The following ATP11C variants were observed in gnomAD, a reference collection of about 807,000 sequenced individuals.
ATP11C encodes phospholipid-transporting ATPase IG.
ATP11C carries 36 observed loss-of-function variants against 97.4 expected under a neutral mutation model. That is an observed-to-expected ratio of 0.37 (90% confidence interval 0.28 to 0.49). The LOEUF is 0.49. Among genes scored for constraint, ATP11C ranks in the 20% least tolerant of loss-of-function variants. The pLI, the probability that ATP11C is intolerant of heterozygous loss-of-function variation, is 0.98. For missense variants in ATP11C, 730 were observed against 824.6 expected, an observed-to-expected ratio of 0.89 and a Z score of 1.40; for synonymous variants, 275 against 290.9, an observed-to-expected ratio of 0.95 and a Z score of 0.56.
intron 1 of ATP11C, among the ~76,000 whole-genome samples, chrX:139,839,677 T>C (rs1445913633): frequency 9.0e-6 from 1 of 111,565 alleles, no homozygotes; most frequent in Non-Finnish European, 1.9e-5. Context: ...ACAACAACCA[T>C]GTGCAACACA....
intron 1 of ATP11C, among the ~76,000 whole-genome samples, chrX:139,873,957 C>T: frequency 1.8e-5 from 2 of 109,532 alleles, no homozygotes; most frequent in Middle Eastern, 4.7e-3. Context: ...TCCAGCTCTA[C>T]TCCTAAGCAG....
chrX:139,858,450 A>G lies in ATP11C; in HGVS notation c.28-31627T>C, dbSNP rs147571718. On this transcript the variant is annotated intron_variant, in intron 1 of 29. Transcript: ENST00000682941. ...TCAGCTCTCTGTCCTTCATCATTCT[A>G]CATGTTCTCCCTGGGTTTCCTAATC... 9.3e-3 allele frequency among the ~76,000 whole-genome samples: 1,038 copies of G among 111,706 alleles called. 11 individuals are homozygous for G. Among genetic ancestry groups the G allele is most frequent in the African/African-American group, 0.032 (988 of 30,716 alleles).
At chrX:139,728,995 C>T (rs1229070127) in intron 29 of ATP11C, 33 bp from the exon 30 acceptor site, 1 of 1,047,765 alleles carries the variant, frequency 9.5e-7, no homozygotes, top group African/African-American at 1.8e-5. Flanking sequence ...ATTTAAAAGG[C>T]TTATTTTAAT....
chrX:139,918,979 A>G (rs1308608914), intron 1 of ATP11C, among the ~76,000 whole-genome samples: 1 of 111,298 alleles, frequency 9.0e-6, no homozygotes, highest in Non-Finnish European at 1.9e-5. Context: ...TGTGGCTCAC[A>G]CCTGTAATTC....
At chrX:139,908,164 C>G (rs776562501) in intron 1 of ATP11C, among the ~76,000 whole-genome samples, 1 of 111,348 alleles carries the variant, frequency 9.0e-6, no homozygotes, top group African/African-American at 3.3e-5. Flanking sequence ...ACTGAGTGTG[C>G]CCTTCAGCCC....
intron 12 of ATP11C, among the ~76,000 whole-genome samples, chrX:139,795,926 C>T (rs2082783870): frequency 8.9e-6 from 1 of 111,850 alleles, no homozygotes; most frequent in Non-Finnish European, 1.9e-5. Flanking sequence ...ATAAAAGAGC[C>T]ATATTTGCTA....
Position 139,730,035 on chromosome X carries a change from T to C in ATP11C, c.*4-1073A>G, listed in dbSNP as rs141976557. 4.5e-5 allele frequency among the ~76,000 whole-genome samples: 5 copies of C among 111,976 alleles called. No homozygotes were observed. In the East Asian group the frequency reaches 1.4e-3, roughly 32 times the overall value. On this transcript the variant is annotated intron_variant, in intron 29 of 29. Coordinates refer to ENST00000682941, the MANE Select transcript of ATP11C (RefSeq NM_001353812.2). ...ACATTGAGGAGTTAGGTAGTTTCCT[T>C]ACCAACCAAGGAACAAACTAGATGC...
intron 6 of ATP11C, among the ~76,000 whole-genome samples, chrX:139,802,558 G>T (rs1392465349): frequency 9.0e-6 from 1 of 111,701 alleles, no homozygotes; most frequent in African/African-American, 3.3e-5. Context: ...GGGTTTCAAA[G>T]ACAATTAAAA....
Position 139,782,600 on chromosome X carries a change from G to A in ATP11C, c.1899C>T (p.Phe633=), listed in dbSNP as rs747770080. ...AATTCATGTTTGTCTCAATATCATC[G>A]AAAACTTTTTCCATTTTTTCTTCTC... is the stretch of plus-strand genomic sequence containing the variant. ...QDREEKMEKV[F]DDIETNMNLI... Residue 633 remains phenylalanine (F), a synonymous_variant, in exon 18 of 30, where the codon TTC becomes TTT. Coordinates refer to ENST00000682941, the MANE Select transcript of ATP11C (RefSeq NM_001353812.2). 8.3e-6 allele frequency: 10 copies of A among 1,206,825 alleles called. No individual in the cohort carries two copies. The highest frequency in any genetic ancestry group is 1.8e-5 in the South Asian group (1 of 56,484).
intron 3 of ATP11C, among the ~76,000 whole-genome samples, chrX:139,817,662 G>C (rs1021942248): frequency 8.9e-6 from 1 of 112,491 alleles, no homozygotes; most frequent in Admixed American, 9.4e-5. Flanking sequence ...GGGAACAAGA[G>C]TGAAGGCAGG....
upstream of ATP11C, among the ~76,000 whole-genome samples, chrX:139,936,155 T>C (rs1426058835): frequency 9.0e-6 from 1 of 111,266 alleles, no homozygotes; most frequent in Non-Finnish European, 1.9e-5. Context: ...TGCAATTCCA[T>C]ACAAATCAAA....
At chrX:139,919,676 T>C (rs1017172544) in intron 1 of ATP11C, among the ~76,000 whole-genome samples, 1 of 112,467 alleles carries the variant, frequency 8.9e-6, no homozygotes, top group Non-Finnish European at 1.9e-5. Flanking sequence ...TTCCGGCACT[T>C]TGGGAGGCCA....
At chrX:139,882,673 T>C (rs1342755586) in intron 1 of ATP11C, among the ~76,000 whole-genome samples, 2 of 111,589 alleles carry the variant, frequency 1.8e-5, no homozygotes, top group Non-Finnish European at 3.8e-5. Flanking sequence ...CAGACTTGCA[T>C]GAAGGACTAA....
At chrX:139,756,238 A>C (rs1372604329) in intron 23 of ATP11C, among the ~76,000 whole-genome samples, 1 of 112,165 alleles carries the variant, frequency 8.9e-6, no homozygotes, top group African/African-American at 3.2e-5. Context: ...CAACATCACT[A>C]ATCATTAGAG....
chrX:139,856,613 T>C (rs2084093514), intron 1 of ATP11C, among the ~76,000 whole-genome samples: 1 of 112,392 alleles, frequency 8.9e-6, no homozygotes, highest in South Asian at 3.7e-4. Flanking sequence ...AAGTACCTTA[T>C]GGGTCTTTTG....
intron 1 of ATP11C, among the ~76,000 whole-genome samples, chrX:139,931,106 C>A (rs745341403): frequency 8.9e-6 from 1 of 112,124 alleles, no homozygotes; most frequent in East Asian, 2.8e-4. Context: ...GAAGTTGCTA[C>A]AAATAGCAGC....
intron 27 of ATP11C, among the ~76,000 whole-genome samples, chrX:139,738,875 C>T (rs2081499133): frequency 9.0e-6 from 1 of 110,501 alleles, no homozygotes; most frequent in Non-Finnish European, 1.9e-5. Flanking sequence ...TCAGACTGCC[C>T]TAGGATTAAA....
intron 23 of ATP11C, among the ~76,000 whole-genome samples, chrX:139,752,580 A>G (rs2081843868): frequency 8.9e-6 from 1 of 112,078 alleles, no homozygotes; most frequent in Admixed American, 9.5e-5. Flanking sequence ...AACATATTTT[A>G]AAAGGATAAT....
chrX:139,769,329 C>CT (rs760765927), intron 19 of ATP11C, among the ~76,000 whole-genome samples: 61 of 41,704 alleles, frequency 1.5e-3, no homozygotes, highest in Non-Finnish European at 2.7e-3. Context: ...TATATATATT[C>CT]TTTAAATGTA....
Sources: gnomAD v4.1 joint callset for allele counts (sites outside exome capture counted in the v4.1 genomes callset) on GRCh38, gnomAD v4.1.1 for gene constraint, MANE v1.5 for transcripts, NCBI Gene and HGNC (gene_info 2026-07-23, HGNC 2026-07-21) for gene names.